The following ERCC6 variants were observed in gnomAD, a reference collection of about 807,000 sequenced individuals.
ERCC6 encodes ERCC excision repair 6, chromatin remodeling factor.
A neutral mutation model predicts 158.7 loss-of-function variants in ERCC6; 116 were observed. The ratio of observed to expected loss-of-function variants is 0.73; its 90% CI spans 0.63 to 0.85. The LOEUF is 0.85. Ranked by LOEUF, ERCC6 falls within the 40% of genes least tolerant of loss-of-function variation. The pLI is 0.00. For synonymous variants in ERCC6, 678 were observed against 659.3 expected (o/e 1.03, Z -0.43); for missense variants, 1,698 against 1,799.4 (o/e 0.94, Z 1.02).
chr10:49,472,986 C>T lies in ERCC6; in HGVS notation c.2752G>A (p.Gly918Ser), dbSNP rs1253275181. The T allele has an allele frequency of 3.2e-5, 51 of 1,613,910 alleles. No homozygotes were observed. Among genetic ancestry groups the T allele is most frequent in the Non-Finnish European group, 4.2e-5 (50 of 1,179,972 alleles). Residue 918 changes from glycine (G) to serine (S), a missense_variant, in exon 15 of 21, where the codon GGC becomes AGC. Gly to Ser is a moderately conservative substitution (Grantham distance 56, BLOSUM62 0). Transcript: ENST00000355832. ...FVFLLTTRVGGLGVNLTGANR... is the reference protein window; with the variant it reads ...FVFLLTTRVGSLGVNLTGANR... ...GCCCCCGTCAGGTTGACACCTAAGC[C>T]GCCCACCCGCGTGGTCAGAAGAAAC...
At chr10:49,538,861 C>G (rs1837668979) in intron 1 of ERCC6, 101 bp downstream of exon 1, 1 of 139,444 alleles carries the variant, frequency 7.2e-6, no homozygotes, top group South Asian at 2.3e-4. Flanking sequence ...GCTCAATCAC[C>G]ACGGCGAGGC....
intron 18 of ERCC6, among the ~76,000 whole-genome samples, chr10:49,463,571 T>C (rs1006172608): frequency 3.3e-5 from 5 of 152,204 alleles, no homozygotes; most frequent in African/African-American, 1.2e-4. Context: ...TACATGTGCC[T>C]GCTTATTTCT....
chr10:49,449,337 T>C (rs1850393358), downstream of ERCC6, among the ~76,000 whole-genome samples: 1 of 152,218 alleles, frequency 6.6e-6, no homozygotes, highest in Non-Finnish European at 1.5e-5. Context: ...CTTTATTAGA[T>C]ATGATTCACA....
chr10:49,475,479 G>A, intron 12 of ERCC6: 1 of 428,304 alleles, frequency 2.3e-6, no homozygotes, highest in Non-Finnish European at 4.6e-6. Context: ...GAATAGATGT[G>A]AATGACTGAA....
intron 14 of ERCC6, 26 bp downstream of exon 14, chr10:49,473,451 A>G (rs868013709): frequency 1.4e-6 from 2 of 1,415,600 alleles, no homozygotes; most frequent in African/African-American, 2.8e-5. Context: ...GCACCACTCA[A>G]CTTCCCTGTT....
In ERCC6 at chr10:49,529,235, G is replaced by C. The variant is rs114885927; in HGVS notation, c.544-710C>G. ...ATGTTTCAACTTCAAATACGAGTGT[G>C]GGACAAGGGGAAATCCTGAACATAA... On this transcript the variant is annotated intron_variant, in intron 3 of 20. Coordinates refer to ENST00000355832, the MANE Select transcript of ERCC6 (RefSeq NM_000124.4). Among the ~76,000 whole-genome samples, 291 of 152,280 alleles carry C rather than the reference G, an allele frequency of 1.9e-3. 1 individual carries two copies. Among genetic ancestry groups the C allele is most frequent in the African/African-American group, 6.7e-3 (280 of 41,538 alleles).
chr10:49,459,233 T>G lies in ERCC6; in HGVS notation c.4064A>C (p.Asp1355Ala), dbSNP rs1300774334. Residue 1355 changes from aspartate (D) to alanine (A), a missense_variant and splice_region_variant, in exon 21 of 21, where the codon GAT (aspartate) becomes GCT (alanine). Coordinates refer to ENST00000355832, the MANE Select transcript of ERCC6 (RefSeq NM_000124.4). ...SSTSPTEKCQDGIMKKEGKDN... is the reference protein window; with the variant it reads ...SSTSPTEKCQAGIMKKEGKDN... ...TTTTCCCTCCTTTTTCATGATGCCA[T>G]CCTATAAAAAGAAGACCACTATACT... The G allele has an allele frequency of 6.2e-7, 1 of 1,613,800 alleles. No homozygotes were observed. The highest frequency in any genetic ancestry group is 1.3e-5 in the African/African-American group (1 of 74,876).
chr10:49,505,873 AT>A lies in ERCC6; in HGVS notation c.1526+10del. ...ATAGCAAATAGAAAGGAAAGAACAT[AT>A]GGTACATACTTAAAAAGCTTTTTGA... is the stretch of plus-strand genomic sequence containing the variant. On this transcript the variant is annotated intron_variant, in intron 6 of 20. Coordinates refer to ENST00000355832, the MANE Select transcript of ERCC6 (RefSeq NM_000124.4). 6.2e-7 allele frequency: 1 copy of A among 1,612,882 alleles called. No homozygotes were observed. Among genetic ancestry groups the A allele is most frequent in the South Asian group, 1.1e-5 (1 of 91,050 alleles).
intron 5 of ERCC6, among the ~76,000 whole-genome samples, chr10:49,513,952 A>C (rs920259389): frequency 2.0e-5 from 3 of 152,160 alleles, no homozygotes; most frequent in Non-Finnish European, 4.4e-5. Context: ...CCAGATAATC[A>C]AGTTCCAGAG....
intron 18 of ERCC6, among the ~76,000 whole-genome samples, chr10:49,464,696 T>TG (rs1418292924): frequency 6.6e-5 from 10 of 152,166 alleles, no homozygotes; most frequent in African/African-American, 2.4e-4. Context: ...ACTCCAGCTG[T>TG]GGCTGAAAGG....
chr10:49,475,354 A>C (rs750307995), intron 12 of ERCC6: 5 of 431,948 alleles, frequency 1.2e-5, no homozygotes, highest in Non-Finnish European at 2.3e-5. Flanking sequence ...TTTTAATGTG[A>C]CTACTAGAAA....
At chr10:49,502,183 A>C (rs950775351) in intron 6 of ERCC6, 2 of 152,092 alleles carry the variant, frequency 1.3e-5, no homozygotes, top group Non-Finnish European at 2.9e-5. Context: ...GTCATAATTA[A>C]CTTTCTCCCA....
At chr10:49,492,005 A>G (rs1034679285) in intron 8 of ERCC6, among the ~76,000 whole-genome samples, 1 of 152,228 alleles carries the variant, frequency 6.6e-6, no homozygotes, top group Non-Finnish European at 1.5e-5. Flanking sequence ...AACTCACAGC[A>G]TTTACCCTAA....
chr10:49,470,628 G>A lies in ERCC6; in HGVS notation c.3332C>T (p.Thr1111Ile). Residue 1111 changes from threonine to isoleucine, a missense_variant, in exon 18 of 21, where the codon ACA (threonine) becomes ATA (isoleucine). Coordinates refer to ENST00000355832, the MANE Select transcript of ERCC6 (RefSeq NM_000124.4). The part of the protein sequence containing the change: ...VTSNDRLGEE[T>I]NAVSGPEELS... The stretch of plus-strand genomic sequence containing the variant: ...CTCTTCTGGTCCAGATACTGCATTT[G>A]TCTCTTCTCCAAGCCTATCATTGCT... The A allele has an allele frequency of 6.2e-7, 1 of 1,613,554 alleles. No individual in the cohort carries two copies. Among genetic ancestry groups the A allele is most frequent in the African/African-American group, 1.3e-5 (1 of 75,000 alleles).
intron 5 of ERCC6, 37 bp from the exon 6 acceptor site, chr10:49,506,049 G>T: frequency 1.2e-6 from 2 of 1,609,198 alleles, no homozygotes; most frequent in South Asian, 1.1e-5. Context: ...CCATTATTTT[G>T]ATCACAAGAC....
intron 19 of ERCC6, among the ~76,000 whole-genome samples, chr10:49,460,901 A>C (rs572924581): frequency 1.4e-4 from 22 of 152,318 alleles, no homozygotes; most frequent in African/African-American, 5.1e-4. Context: ...AAAAAAGAAA[A>C]AAAAAAAGGA....
rs377033583 is a variant in ERCC6 at position 49,530,756 on chromosome 10, C to T, written c.507G>A (p.Arg169=). The T allele has an allele frequency of 7.4e-6, 12 of 1,613,538 alleles. No homozygotes were observed. The highest frequency in any genetic ancestry group is 1.3e-5 in the African/African-American group (1 of 74,854). The part of the protein sequence containing the change: ...PQAATSRDIN[R]KLDSVKRQKY... ...TCTGTCGTTTTACAGAATCTAGTTT[C>T]CTGTTGATGTCTCTGCTGGTGGCAG... Residue 169 remains arginine, a synonymous_variant, in exon 3 of 21, where the codon AGG becomes AGA. Transcript: ENST00000355832.
intron 18 of ERCC6, among the ~76,000 whole-genome samples, chr10:49,466,502 A>G (rs1374706790): frequency 6.6e-6 from 1 of 152,234 alleles, no homozygotes; most frequent in African/African-American, 2.4e-5. Context: ...CTGATATGCA[A>G]TAACTGCTAA....
At position 49,460,279 on chromosome 10, in the gene ERCC6, G is replaced by T. The variant is rs2132525212; in HGVS notation, c.4062+94C>A. 3 of 861,362 alleles carry T rather than the reference G, an allele frequency of 3.5e-6. No individual in the cohort carries two copies. In the South Asian group the frequency reaches 4.0e-5, roughly 12 times the overall value. The allele number at this position is 861,362 out of a possible 1,614,324, so 53.4% of individuals were successfully genotyped here. A position where few individuals can be genotyped will look rare whatever the true frequency, so the allele number is the denominator to read the frequency against. ...TATCAGGTGTCATTACACCAGAGAT[G>T]ACCATTTTCTTCACATCCAGAATCA... On this transcript the variant is annotated intron_variant, in intron 20 of 20. Transcript: ENST00000355832.
Sources: gnomAD v4.1 joint callset for allele counts (sites outside exome capture counted in the v4.1 genomes callset) on GRCh38, gnomAD v4.1.1 for gene constraint, MANE v1.5 for transcripts, NCBI Gene and HGNC (gene_info 2026-07-23, HGNC 2026-07-21) for gene names.